OSBPL10: variants seen among roughly 807,000 people sequenced by gnomAD.
The protein encoded by OSBPL10 is oxysterol binding protein like 10.
A neutral mutation model predicts 81.7 loss-of-function variants in OSBPL10; 49 were observed. The observed-to-expected ratio is 0.60, with a 90% CI of 0.48 to 0.76. OSBPL10 has a LOEUF of 0.76. OSBPL10 is among the 30% of genes least tolerant of loss of function. OSBPL10 has a pLI of 0.00. For synonymous variants in OSBPL10, 419 were observed against 383.6 expected (o/e 1.09, Z -1.08); for missense variants, 923 against 987.8 (o/e 0.93, Z 0.88).
At chr3:31,808,163 C>A (rs534797251) in intron 4 of OSBPL10, among the ~76,000 whole-genome samples, 6 of 152,266 alleles carry the variant, frequency 3.9e-5, no homozygotes, top group African/African-American at 1.4e-4. Context: ...ACTCACCCAG[C>A]ATATCATCAA....
At chr3:31,864,922 C>G (rs191049630) in intron 3 of OSBPL10, among the ~76,000 whole-genome samples, 14 of 151,978 alleles carry the variant, frequency 9.2e-5, no homozygotes, top group Admixed American at 2.6e-4. Context: ...GTAGCTGACC[C>G]GGACCACAGA....
chr3:32,023,203 C>G (rs1699374446), intron 2 of OSBPL10, among the ~76,000 whole-genome samples: 1 of 152,092 alleles, frequency 6.6e-6, no homozygotes, highest in Admixed American at 6.6e-5. Context: ...CCATAATTCC[C>G]ACGTGTCCTG....
At chr3:31,818,204 T>G (rs1267747825) in intron 4 of OSBPL10, among the ~76,000 whole-genome samples, 2 of 152,060 alleles carry the variant, frequency 1.3e-5, no homozygotes, top group Non-Finnish European at 2.9e-5. Context: ...ATAAAGCAGA[T>G]TGCCCTCTGT....
intron 4 of OSBPL10, among the ~76,000 whole-genome samples, chr3:31,759,488 A>T (rs1309187928): frequency 6.6e-6 from 1 of 152,194 alleles, no homozygotes; most frequent in Non-Finnish European, 1.5e-5. Context: ...AAAGAAATCA[A>T]ATAGAAAGAA....
chr3:31,846,840 G>A (rs563420813), intron 3 of OSBPL10, among the ~76,000 whole-genome samples: 114 of 152,076 alleles, frequency 7.5e-4, no homozygotes, highest in African/African-American at 2.7e-3. Context: ...AAAACCATGC[G>A]AATTTTCCTC....
At chr3:31,959,811 T>A (rs1432571235) in intron 1 of OSBPL10, among the ~76,000 whole-genome samples, 1 of 152,296 alleles carries the variant, frequency 6.6e-6, no homozygotes, top group East Asian at 1.9e-4. Flanking sequence ...CAAGTTCACC[T>A]GAGCACCTTC....
chr3:31,789,044 T>C (rs1698939494), intron 4 of OSBPL10, among the ~76,000 whole-genome samples: 1 of 152,052 alleles, frequency 6.6e-6, no homozygotes, highest in Non-Finnish European at 1.5e-5. Flanking sequence ...GGTGGCGCGA[T>C]CTTGGCTCAC....
chr3:31,798,538 A>AT (rs1208568702), intron 4 of OSBPL10, among the ~76,000 whole-genome samples: 1 of 152,122 alleles, frequency 6.6e-6, no homozygotes, highest in African/African-American at 2.4e-5. Flanking sequence ...AAACTATAAT[A>AT]TTTTGGATAT....
chr3:31,898,951 C>CTTT lies in OSBPL10; in HGVS notation c.282-19124_282-19122dup, dbSNP rs201574850. On this transcript the variant is annotated intron_variant, in intron 1 of 11. Coordinates refer to ENST00000396556, the MANE Select transcript of OSBPL10 (RefSeq NM_017784.5). ...AAGTTTAAGACAGTTAACTTTAAAC[C>CTTT]TTTTTTTTTTTTTTTTTTTTTTTTT... Among the ~76,000 whole-genome samples, 79 of 87,342 alleles carry CTTT rather than the reference C, an allele frequency of 9.0e-4. 7 individuals carry two copies. The highest frequency in any genetic ancestry group is 1.3e-3 in the Non-Finnish European group (62 of 47,530). 57.3% of individuals were successfully genotyped at this position (87,342 alleles called of 152,430 possible). A position where few individuals can be genotyped will look rare whatever the true frequency, so the allele number is the denominator to read the frequency against.
At chr3:31,868,472 A>G (rs947883596) in intron 3 of OSBPL10, among the ~76,000 whole-genome samples, 1 of 152,120 alleles carries the variant, frequency 6.6e-6, no homozygotes, top group African/African-American at 2.4e-5. Flanking sequence ...GCCAAGCGCT[A>G]CTTGAGGAAG....
chr3:31,894,535 T>G (rs1344102143), intron 1 of OSBPL10, among the ~76,000 whole-genome samples: 1 of 152,224 alleles, frequency 6.6e-6, no homozygotes, highest in African/African-American at 2.4e-5. Context: ...CCCTAATTTA[T>G]TGTCAAGCAA....
chr3:31,842,562 T>C (rs1454223965), intron 3 of OSBPL10, among the ~76,000 whole-genome samples: 1 of 152,250 alleles, frequency 6.6e-6, no homozygotes, highest in Non-Finnish European at 1.5e-5. Context: ...TGACCCAGCA[T>C]GTCACTGTCA....
intron 1 of OSBPL10, among the ~76,000 whole-genome samples, chr3:32,069,832 C>T (rs879596626): frequency 2.0e-4 from 30 of 152,208 alleles, no homozygotes; most frequent in Non-Finnish European, 4.1e-4. Flanking sequence ...AAAGCCATAG[C>T]TCCCAGGGGC....
At chr3:31,775,549 T>C (rs551514305) in intron 4 of OSBPL10, among the ~76,000 whole-genome samples, 1 of 151,872 alleles carries the variant, frequency 6.6e-6, no homozygotes, top group African/African-American at 2.4e-5. Context: ...AGGGAGTGAG[T>C]GAGACGGCAG....
At chr3:31,748,460 G>A (rs1216055290) in intron 4 of OSBPL10, among the ~76,000 whole-genome samples, 5 of 152,096 alleles carry the variant, frequency 3.3e-5, no homozygotes, top group East Asian at 3.9e-4. Flanking sequence ...CTTCTTCTAC[G>A]GAAGGTTATC....
At chr3:31,900,010 G>C (rs1319667844) in intron 1 of OSBPL10, among the ~76,000 whole-genome samples, 1 of 150,416 alleles carries the variant, frequency 6.6e-6, no homozygotes, top group Non-Finnish European at 1.5e-5. Flanking sequence ...TTACAAACAT[G>C]GTTAGAAAAT....
intron 6 of OSBPL10, among the ~76,000 whole-genome samples, chr3:31,705,391 T>G (rs1696030908): frequency 1.2e-5 from 1 of 85,320 alleles, no homozygotes. Context: ...CCCACCCCCA[T>G]CGCGGTCCAA....
intron 2 of OSBPL10, among the ~76,000 whole-genome samples, chr3:31,998,243 C>T (rs993467954): frequency 1.3e-5 from 2 of 152,108 alleles, no homozygotes; most frequent in African/African-American, 4.8e-5. Context: ...TTCCTTGTGG[C>T]ATTTTTTTTG....
intron 4 of OSBPL10, among the ~76,000 whole-genome samples, chr3:31,818,931 A>G (rs1392171838): frequency 6.6e-6 from 1 of 152,224 alleles, no homozygotes. Context: ...TGAGTAGGGT[A>G]GGAGGTGTTC....
Sources: allele counts gnomAD v4.1 joint callset (sites outside exome capture counted in the v4.1 genomes callset), GRCh38; gene constraint gnomAD v4.1.1; transcripts MANE v1.5; gene names NCBI Gene and HGNC (gene_info 2026-07-23, HGNC 2026-07-21).